The following EVI5 variants were observed in gnomAD, a reference collection of about 807,000 sequenced individuals.
The protein encoded by EVI5 is ecotropic viral integration site 5, also known as ecotropic viral integration site 5 protein homolog.
In EVI5, 73 loss-of-function variants were observed where a neutral mutation model predicts 112.0. The ratio of observed to expected loss-of-function variants is 0.65; its 90% CI spans 0.54 to 0.79. The LOEUF is 0.79. EVI5 is among the 30% of genes least tolerant of loss of function. The pLI is 0.00. For synonymous variants in EVI5, 305 were observed against 319.9 expected (o/e 0.95, Z 0.50); for missense variants, 900 against 968.8 (o/e 0.93, Z 0.94).
At chr1:92,608,142 C>G (rs937311523) in intron 16 of EVI5, among the ~76,000 whole-genome samples, 14 of 149,698 alleles carry the variant, frequency 9.4e-5, no homozygotes, top group Non-Finnish European at 1.6e-4. Flanking sequence ...CAGAGCGAGA[C>G]TCCGTCTCAA....
chr1:92,687,514 G>A (rs1668758630), intron 9 of EVI5, among the ~76,000 whole-genome samples: 3 of 151,920 alleles, frequency 2.0e-5, no homozygotes, highest in Admixed American at 1.3e-4. Flanking sequence ...CAAAAGCAAT[G>A]GCAACAAAAG....
intron 18 of EVI5, among the ~76,000 whole-genome samples, chr1:92,578,160 T>TATG (rs1671366318): frequency 6.6e-6 from 1 of 152,168 alleles, no homozygotes. Context: ...TGAACGCTAT[T>TATG]TCATCTTTCT....
At chr1:92,768,645 C>T (rs1160276829) in intron 1 of EVI5, among the ~76,000 whole-genome samples, 2 of 152,188 alleles carry the variant, frequency 1.3e-5, no homozygotes, top group Admixed American at 6.6e-5. Context: ...GAGGCCAAGG[C>T]AGGTGGACTG....
chr1:92,582,882 A>G (rs1039213121), intron 18 of EVI5, among the ~76,000 whole-genome samples: 3 of 152,186 alleles, frequency 2.0e-5, no homozygotes, highest in African/African-American at 7.2e-5. Context: ...TTTTGCACCA[A>G]GCCCTTTACT....
chr1:92,596,693 C>G (rs1647980260), intron 18 of EVI5, among the ~76,000 whole-genome samples: 1 of 152,138 alleles, frequency 6.6e-6, no homozygotes, highest in Admixed American at 6.5e-5. Flanking sequence ...CTCTTGACCT[C>G]AAGTGATCAG....
intron 1 of EVI5, among the ~76,000 whole-genome samples, chr1:92,759,857 C>G (rs1681539152): frequency 8.7e-6 from 1 of 114,576 alleles, no homozygotes; most frequent in Non-Finnish European, 1.7e-5. Context: ...ATACAAATAC[C>G]CTCCCCCCCA....
At chr1:92,543,635 T>C (rs756456692) in intron 19 of EVI5, among the ~76,000 whole-genome samples, 1 of 152,196 alleles carries the variant, frequency 6.6e-6, no homozygotes. Context: ...GCTTTCAACA[T>C]GCCTGCCTCA....
At chr1:92,773,438 A>T (rs537986399) in intron 1 of EVI5, among the ~76,000 whole-genome samples, 4 of 152,298 alleles carry the variant, frequency 2.6e-5, no homozygotes, top group African/African-American at 9.6e-5. Flanking sequence ...AAACTAATCT[A>T]TGGTAAAAGA....
rs368919351 is a variant in EVI5, at chr1:92,567,062, T to C, written c.2071-3325A>G. ...CCTCAAGTGTTCCGCCCACCCGCCT[T>C]GGCCTCCCAAAGTGCTGGGATTTAC... On this transcript the variant is annotated intron_variant, in intron 18 of 19. Coordinates refer to ENST00000684568, the MANE Select transcript of EVI5 (RefSeq NM_001350197.2). Among the ~76,000 whole-genome samples the C allele has an allele frequency of 1.0e-3, 153 of 152,182 alleles. 2 individuals are homozygous for C. In the South Asian group the frequency reaches 0.012, roughly 12 times the overall value.
At chr1:92,542,587 T>C (rs1254525755) in intron 19 of EVI5, among the ~76,000 whole-genome samples, 1 of 152,248 alleles carries the variant, frequency 6.6e-6, no homozygotes, top group African/African-American at 2.4e-5. Flanking sequence ...ATTAGAGGAA[T>C]CACTATATAT....
At chr1:92,637,434 C>T (rs899477286) in intron 13 of EVI5, among the ~76,000 whole-genome samples, 3 of 151,132 alleles carry the variant, frequency 2.0e-5, no homozygotes, top group African/African-American at 7.3e-5. Context: ...GTAGAGAAGA[C>T]GCAGATGCTG....
chr1:92,779,531 G>A (rs373605049), intron 1 of EVI5, among the ~76,000 whole-genome samples: 1 of 150,168 alleles, frequency 6.7e-6, no homozygotes, highest in Non-Finnish European at 1.5e-5. Context: ...AAAAAAAAAA[G>A]AAAGGCTTAA....
At chr1:92,553,626 G>T (rs1281182389) in intron 19 of EVI5, among the ~76,000 whole-genome samples, 8 of 151,788 alleles carry the variant, frequency 5.3e-5, no homozygotes, top group Admixed American at 5.3e-4. Flanking sequence ...TTGGTAGAGG[G>T]TTTTGCCATA....
At chr1:92,520,173 T>G (rs890639384) in intron 19 of EVI5, among the ~76,000 whole-genome samples, 15 of 152,282 alleles carry the variant, frequency 9.9e-5, no homozygotes, top group Middle Eastern at 6.8e-3. Context: ...TATTATAATA[T>G]GTAAGTTATA....
chr1:92,701,575 T>C (rs1468348196), intron 5 of EVI5, among the ~76,000 whole-genome samples: 2 of 152,088 alleles, frequency 1.3e-5, no homozygotes, highest in Admixed American at 1.3e-4. Context: ...CTATATGCCA[T>C]TTCCCTTCAA....
At chr1:92,759,672 G>C (rs1681497683) in intron 1 of EVI5, among the ~76,000 whole-genome samples, 1 of 151,966 alleles carries the variant, frequency 6.6e-6, no homozygotes, top group Non-Finnish European at 1.5e-5. Context: ...CTATGAATTT[G>C]CCTATTCTAT....
At chr1:92,792,307 T>A in intron 1 of EVI5, 1 of 1,367,452 alleles carries the variant, frequency 7.3e-7, no homozygotes. Context: ...TTTTTATAAG[T>A]TTTAATATAA....
chr1:92,513,415 T>A lies in EVI5; in HGVS notation c.*241A>T, dbSNP rs1659327367. 1 of 174,130 alleles carries A rather than the reference T, an allele frequency of 5.7e-6. No individual in the cohort carries two copies. Among genetic ancestry groups the A allele is most frequent in the Non-Finnish European group, 1.2e-5 (1 of 83,100 alleles). 10.8% of individuals were successfully genotyped at this position (174,130 alleles called of 1,614,324 possible). On this transcript the variant is annotated 3_prime_UTR_variant, in exon 20 of 20. Coordinates refer to ENST00000684568, the MANE Select transcript of EVI5 (RefSeq NM_001350197.2). The stretch of plus-strand genomic sequence containing the variant: ...ATATTCAGTAATACTGTTAGAACCT[T>A]GTTTTACACATTAACCATATACCAG...
At chr1:92,567,154 A>G (rs189830983) in intron 18 of EVI5, among the ~76,000 whole-genome samples, 120 of 152,216 alleles carry the variant, frequency 7.9e-4, no homozygotes, top group African/African-American at 2.7e-3. Flanking sequence ...GAGTTAAAAA[A>G]ACAGCTTATA....
Sources: allele counts gnomAD v4.1 joint callset (sites outside exome capture counted in the v4.1 genomes callset), GRCh38; gene constraint gnomAD v4.1.1; transcripts MANE v1.5; gene names NCBI Gene and HGNC (gene_info 2026-07-23, HGNC 2026-07-21).